IYD: variants seen among roughly 807,000 people sequenced by gnomAD.
The protein encoded by IYD is iodotyrosine deiodinase.
A neutral mutation model predicts 28.4 loss-of-function variants in IYD; 25 were observed. The ratio of observed to expected loss-of-function variants is 0.88; its 90% CI spans 0.64 to 1.23. The LOEUF (loss-of-function observed/expected upper bound fraction) is 1.23. Among genes scored for constraint, IYD ranks in the 50% most tolerant of loss-of-function variants. The pLI is 0.00. For missense variants in IYD, 352 were observed against 357.9 expected (o/e 0.98, Z 0.13); for synonymous variants, 140 against 130.8 (o/e 1.07, Z -0.48).
Position 150,382,048 on chromosome 6 carries a change from T to C in IYD, c.179-7304T>C, listed in dbSNP as rs1582780810. Among the ~76,000 whole-genome samples, 5 of 152,144 alleles carry C rather than the reference T, an allele frequency of 3.3e-5. No homozygotes were observed. In the South Asian group the frequency reaches 1.0e-3, roughly 32 times the overall value. On this transcript the variant is annotated intron_variant, in intron 1 of 4. Transcript: ENST00000344419. ...ATGATGTACCACGCAGATCCCCCCT[T>C]GAGGAAGGGCTTGCTGTCTCTATTG... is the stretch of plus-strand genomic sequence containing the variant.
intron 4 of IYD, chr6:150,396,668 A>G (rs1190253074): frequency 7.7e-6 from 3 of 391,436 alleles, no homozygotes; most frequent in Non-Finnish European, 9.1e-6. Context: ...AGGTCAGGAG[A>G]TCGAGACCAT....
intron 1 of IYD, among the ~76,000 whole-genome samples, chr6:150,376,331 G>A (rs574285966): frequency 1.3e-5 from 2 of 152,302 alleles, no homozygotes; most frequent in South Asian, 4.1e-4. Flanking sequence ...TATAAGCACT[G>A]GGGAATCGCC....
chr6:150,381,198 G>A (rs1394714769), intron 1 of IYD, among the ~76,000 whole-genome samples: 9 of 152,088 alleles, frequency 5.9e-5, no homozygotes, highest in Admixed American at 3.9e-4. Context: ...TTTTAAACAC[G>A]AAACAGAAAT....
At chr6:150,389,655 G>A (rs1778036973) in intron 2 of IYD, 112 bp downstream of exon 2, 5 of 986,418 alleles carry the variant, frequency 5.1e-6, no homozygotes. Flanking sequence ...AGAGTGATAT[G>A]TTTATCTATA....
intron 1 of IYD, chr6:150,384,781 A>G (rs1777799827): frequency 6.6e-6 from 1 of 152,232 alleles, no homozygotes; most frequent in South Asian, 2.1e-4. Context: ...GGAATTTGAC[A>G]ATACAGTCTT....
At chr6:150,374,250 T>C (rs1019950190) in intron 1 of IYD, among the ~76,000 whole-genome samples, 1 of 152,176 alleles carries the variant, frequency 6.6e-6, no homozygotes, top group Admixed American at 6.5e-5. Flanking sequence ...CATAGGGAAA[T>C]GAAGATCCAA....
chr6:150,380,133 A>G (rs73617628), intron 1 of IYD, among the ~76,000 whole-genome samples: 226 of 152,318 alleles, frequency 1.5e-3, no homozygotes, highest in African/African-American at 5.1e-3. Context: ...TTGTTGAATG[A>G]CTTGTATATT....
At chr6:150,388,323 A>G (rs1482444444) in intron 1 of IYD, among the ~76,000 whole-genome samples, 1 of 152,222 alleles carries the variant, frequency 6.6e-6, no homozygotes, top group Admixed American at 6.5e-5. Context: ...ATCCCTGAAG[A>G]TATAAAAATG....
intron 1 of IYD, 125 bp downstream of exon 1, chr6:150,369,334 TGTGCTAATGAATCA>T (rs1777136497): frequency 1.1e-6 from 1 of 889,194 alleles, no homozygotes; most frequent in South Asian, 1.4e-5. Context: ...CAACCTCTAT[TGTGCTAATGAATCA>T]GTGCTTGGCA....
Position 150,404,292 on chromosome 6 carries a change from G to A in IYD, c.*6055G>A, listed in dbSNP as rs145748227. Reference sequence around the variant, plus strand: ...TATTGATACTTTCATGTTAAGTTTAGGACTAATCTTGTGTATGCTCCTTAA... The same window carrying A: ...TATTGATACTTTCATGTTAAGTTTAAGACTAATCTTGTGTATGCTCCTTAA... On this transcript the variant is annotated 3_prime_UTR_variant, in exon 5 of 5. Coordinates refer to ENST00000344419, the MANE Select transcript of IYD (RefSeq NM_203395.3). 1.2e-3 allele frequency: 177 copies of A among 152,276 alleles called. 1 individual carries two copies. The highest frequency in any genetic ancestry group is 4.0e-3 in the African/African-American group (166 of 41,554). 9.4% of individuals were successfully genotyped at this position (152,276 alleles called of 1,614,324 possible).
intron 1 of IYD, among the ~76,000 whole-genome samples, chr6:150,374,421 C>T (rs2115016710): frequency 6.6e-6 from 1 of 152,322 alleles, no homozygotes; most frequent in South Asian, 2.1e-4. Context: ...CTGATAAAGA[C>T]ATACCTGAGA....
chr6:150,379,429 G>A (rs1777566268), intron 1 of IYD, among the ~76,000 whole-genome samples: 1 of 152,088 alleles, frequency 6.6e-6, no homozygotes, highest in African/African-American at 2.4e-5. Flanking sequence ...TATTCCTCAA[G>A]TTTCACATTA....
chr6:150,369,875 A>G (rs1401189987), intron 1 of IYD: 2 of 671,798 alleles, frequency 3.0e-6, no homozygotes, highest in East Asian at 5.4e-5. Context: ...AAGGAGCAGA[A>G]GCACCTGGAG....
At chr6:150,397,506 G>A (rs1357486113) in intron 4 of IYD, among the ~76,000 whole-genome samples, 10 of 145,426 alleles carry the variant, frequency 6.9e-5, no homozygotes, top group Non-Finnish European at 1.2e-4. Flanking sequence ...GGAGGCAGAG[G>A]TTACAGTGAG....
intron 1 of IYD, among the ~76,000 whole-genome samples, chr6:150,388,654 T>G (rs989845240): frequency 1.7e-5 from 1 of 57,806 alleles, no homozygotes; most frequent in Non-Finnish European, 6.1e-5. Flanking sequence ...TTTCTTTCTT[T>G]CTTTCTTTCT....
rs181859008 is a variant in IYD at position 150,396,649 on chromosome 6, C to T, written c.688-1406C>T. The T allele has an allele frequency of 7.7e-3, 3,305 of 430,234 alleles. 21 individuals are homozygous for T. The highest frequency in any genetic ancestry group is 9.1e-3 in the Non-Finnish European group (2,202 of 242,624). The allele number at this position is 430,234 out of a possible 1,614,324, so 26.7% of individuals were successfully genotyped here. On this transcript the variant is annotated intron_variant, in intron 4 of 4. Transcript: ENST00000344419. Reference sequence around the variant, plus strand: ...CAGCACTTTGGGAGGCCAAGGCGGGCGGATCACGAGGTCAGGAGATCGAGA... The same window carrying T: ...CAGCACTTTGGGAGGCCAAGGCGGGTGGATCACGAGGTCAGGAGATCGAGA...
chr6:150,389,058 G>T (rs995243285), intron 1 of IYD, among the ~76,000 whole-genome samples: 2 of 152,082 alleles, frequency 1.3e-5, no homozygotes, highest in African/African-American at 4.8e-5. Flanking sequence ...AGGCTAGAGT[G>T]CAGTGGTGTG....
chr6:150,404,652 C>CT lies in IYD; in HGVS notation c.*6417dup, dbSNP rs1441466609. 6.6e-6 allele frequency: 1 copy of CT among 152,152 alleles called. No homozygotes were observed. The highest frequency in any genetic ancestry group is 6.5e-5 in the Admixed American group (1 of 15,276). 9.4% of individuals were successfully genotyped at this position (152,152 alleles called of 1,614,324 possible). On this transcript the variant is annotated 3_prime_UTR_variant, in exon 5 of 5. Coordinates refer to ENST00000344419, the MANE Select transcript of IYD (RefSeq NM_203395.3). The stretch of plus-strand genomic sequence containing the variant: ...AGACTGATGCTTTAAGGGAGTTTGG[C>CT]TTATTCAACTTGAGTTAATCAAACA...
intron 1 of IYD, among the ~76,000 whole-genome samples, chr6:150,387,218 G>A (rs59354427): frequency 0.015 from 2,301 of 151,852 alleles, 52 homozygotes; most frequent in African/African-American, 0.053. Context: ...CTGAAGTTTG[G>A]CACCTTCTTT....
Sources: allele counts gnomAD v4.1 joint callset (sites outside exome capture counted in the v4.1 genomes callset), GRCh38; gene constraint gnomAD v4.1.1; transcripts MANE v1.5; gene names NCBI Gene and HGNC (gene_info 2026-07-23, HGNC 2026-07-21).